Variants in SEM1 observed in about 807,000 individuals in gnomAD.
SEM1 encodes the protein SEM1 26S proteasome subunit.
SEM1 carries 3 observed loss-of-function variants against 12.7 expected under a neutral mutation model. The ratio of observed to expected loss-of-function variants is 0.24; its 90% confidence interval spans 0.11 to 0.61. The LOEUF is 0.61. Among genes scored for constraint, SEM1 ranks in the 20% least tolerant of loss-of-function variants. SEM1 has a pLI of 0.88. For synonymous variants in SEM1, 30 were observed against 27.8 expected (o/e 1.08, Z -0.25); for missense variants, 59 against 81.3 (o/e 0.73, Z 1.06).
At chr7:96,552,567 C>A (rs1480835293) in intron 2 of SEM1, among the ~76,000 whole-genome samples, 6 of 147,804 alleles carry the variant, frequency 4.1e-5, no homozygotes, top group Non-Finnish European at 9.0e-5. Flanking sequence ...ATATGTGCCA[C>A]ATTTTCTTAA....
intron 2 of SEM1, among the ~76,000 whole-genome samples, chr7:96,594,001 T>A (rs1806917941): frequency 6.6e-6 from 1 of 152,058 alleles, no homozygotes; most frequent in Non-Finnish European, 1.5e-5. Flanking sequence ...TATTAACAAT[T>A]TTCAAATCAA....
chr7:96,523,543 T>A (rs1804350918), intron 2 of SEM1, among the ~76,000 whole-genome samples: 1 of 152,148 alleles, frequency 6.6e-6, no homozygotes, highest in Non-Finnish European at 1.5e-5. Flanking sequence ...GTTCCCCACA[T>A]CACTCTGATC....
In SEM1 at chr7:96,615,239, A is replaced by ATTTTTTTTTTTTTTTTTTTTTTTTTTTT. The variant is rs1421596853; in HGVS notation, c.170+79558_170+79559insAAAAAAAAAAAAAAAAAAAAAAAAAAAA. 1.5e-4 allele frequency among the ~76,000 whole-genome samples: 15 copies of ATTTTTTTTTTTTTTTTTTTTTTTTTTTT among 98,136 alleles called. 6 individuals are homozygous for ATTTTTTTTTTTTTTTTTTTTTTTTTTTT. Among genetic ancestry groups the ATTTTTTTTTTTTTTTTTTTTTTTTTTTT allele is most frequent in the Non-Finnish European group, 1.7e-4 (9 of 51,920 alleles). The allele number at this position is 98,136 out of a possible 152,430, so 64.4% of individuals were successfully genotyped here. A position where few individuals can be genotyped will look rare whatever the true frequency, so the allele number is the denominator to read the frequency against. The stretch of plus-strand genomic sequence containing the variant: ...GGACTGTTGGGTTATTTTTTGAGTC[A>ATTTTTTTTTTTTTTTTTTTTTTTTTTTT]TCTTTTTTTTTTTTTTTTTTTTTTT... On this transcript the variant is annotated intron_variant and NMD_transcript_variant, in intron 2 of 3. Transcript: ENST00000466986.
intron 2 of SEM1, among the ~76,000 whole-genome samples, chr7:96,518,167 A>T (rs542882568): frequency 6.6e-6 from 1 of 152,264 alleles, no homozygotes; most frequent in African/African-American, 2.4e-5. Context: ...CTCTAATGCC[A>T]TTGGCAATGG....
chr7:96,660,343 T>C (rs984619248), intron 2 of SEM1, among the ~76,000 whole-genome samples: 3 of 152,166 alleles, frequency 2.0e-5, no homozygotes, highest in Non-Finnish European at 2.9e-5. Context: ...ACAAATCCTT[T>C]CTCATAGTGA....
At chr7:96,709,464 T>C (rs1418912331) in intron 1 of SEM1, among the ~76,000 whole-genome samples, 1 of 152,044 alleles carries the variant, frequency 6.6e-6, no homozygotes, top group Non-Finnish European at 1.5e-5. Context: ...CTCCTCCCAG[T>C]GAGGAAGCCG....
At chr7:96,525,820 G>A (rs987058019) in intron 2 of SEM1, among the ~76,000 whole-genome samples, 3 of 152,120 alleles carry the variant, frequency 2.0e-5, no homozygotes, top group African/African-American at 4.8e-5. Flanking sequence ...ACTTGCAAGG[G>A]ATCTAGGTTG....
At position 96,665,770 on chromosome 7, in the gene SEM1, A is replaced by T. The variant is rs543251567; in HGVS notation, c.170+29028T>A. On this transcript the variant is annotated intron_variant, in intron 2 of 2. Transcript: ENST00000417009. ...TAAATTGATCTGGAATGTGCCTGGC[A>T]GCAAGGGTTTTTAAGGTCTCCAAGT... Among the ~76,000 whole-genome samples the T allele has an allele frequency of 2.0e-5, 3 of 152,356 alleles. No homozygotes were observed. The East Asian group carries it at 5.8e-4, about 29-fold the overall frequency.
intron 2 of SEM1, among the ~76,000 whole-genome samples, chr7:96,507,418 C>T (rs773635847): frequency 2.0e-5 from 3 of 152,042 alleles, no homozygotes; most frequent in Non-Finnish European, 2.9e-5. Context: ...ACAAAAGGAA[C>T]GAAAAGCACA....
At chr7:96,701,469 G>A (rs1240369999) in intron 1 of SEM1, among the ~76,000 whole-genome samples, 2 of 151,926 alleles carry the variant, frequency 1.3e-5, no homozygotes, top group Non-Finnish European at 2.9e-5. Flanking sequence ...GAACTGTATC[G>A]ACCTACACTT....
chr7:96,593,892 G>A (rs1276389387), intron 2 of SEM1, among the ~76,000 whole-genome samples: 2 of 151,000 alleles, frequency 1.3e-5, no homozygotes, highest in Non-Finnish European at 1.5e-5. Context: ...TGTTGACTAT[G>A]TAGATAAAAA....
chr7:96,660,294 A>C (rs1232407070), intron 2 of SEM1, among the ~76,000 whole-genome samples: 2 of 152,160 alleles, frequency 1.3e-5, no homozygotes, highest in Admixed American at 1.3e-4. Flanking sequence ...GCTTCAAATG[A>C]TATAAATCAA....
At chr7:96,577,369 C>T (rs1806240531) in intron 2 of SEM1, among the ~76,000 whole-genome samples, 1 of 151,938 alleles carries the variant, frequency 6.6e-6, no homozygotes, top group African/African-American at 2.4e-5. Flanking sequence ...CTGTATGAAC[C>T]AAAAACCTTG....
intron 1 of SEM1, chr7:96,696,541 CCTTT>C (rs1319022583): frequency 6.6e-6 from 1 of 151,792 alleles, no homozygotes; most frequent in African/African-American, 2.4e-5. Flanking sequence ...TGAGAAATAA[CCTTT>C]CTATTACAAC....
intron 2 of SEM1, among the ~76,000 whole-genome samples, chr7:96,574,380 G>A (rs995745161): frequency 1.9e-5 from 2 of 105,516 alleles, no homozygotes; most frequent in African/African-American, 7.2e-5. Flanking sequence ...ATTGTGAATA[G>A]TGCCGCAATA....
At chr7:96,497,126 C>T (rs1337382387), upstream of SEM1, among the ~76,000 whole-genome samples, 1 of 151,868 alleles carries the variant, frequency 6.6e-6, no homozygotes, top group Non-Finnish European at 1.5e-5. Context: ...AAAATTAAAC[C>T]TTGCACTTGG....
intron 2 of SEM1, among the ~76,000 whole-genome samples, chr7:96,666,637 ATTTTTT>A (rs201188530): frequency 5.2e-5 from 7 of 134,528 alleles, no homozygotes; most frequent in African/African-American, 1.7e-4. Context: ...ATTGAATCCA[ATTTTTT>A]TTTTTTTTTT....
intron 1 of SEM1, among the ~76,000 whole-genome samples, chr7:96,493,276 T>A (rs1342004004): frequency 6.6e-6 from 1 of 152,100 alleles, no homozygotes; most frequent in African/African-American, 2.4e-5. Context: ...AAAATATATA[T>A]AAAAATGTTA....
rs577335850 is a variant in SEM1 at position 96,487,935 on chromosome 7, A to C, written c.13-1518T>G. Among the ~76,000 whole-genome samples, 28 of 150,280 alleles carry C rather than the reference A, an allele frequency of 1.9e-4. No homozygotes were observed. In the South Asian group the frequency reaches 5.8e-3, roughly 31 times the overall value. On this transcript the variant is annotated intron_variant, in intron 1 of 3. Coordinates refer to the SEM1 transcript ENST00000356686. ...TGCCAACCAGTTGGGGCAACTCTGT[A>C]AGGACTCCAAGGCAGATGTCCCCAA...
Sources: gnomAD v4.1 joint callset for allele counts (sites outside exome capture counted in the v4.1 genomes callset) on GRCh38, gnomAD v4.1.1 for gene constraint, MANE v1.5 for transcripts, NCBI Gene and HGNC (gene_info 2026-07-23, HGNC 2026-07-21) for gene names.